ERC2: variants seen among roughly 807,000 people sequenced by gnomAD.
ERC2 encodes ELKS/RAB6-interacting/CAST family member 2.
A neutral mutation model predicts 114.8 loss-of-function variants in ERC2; 42 were observed. The ratio of observed to expected loss-of-function variants is 0.37; its 90% confidence interval spans 0.29 to 0.47. The LOEUF is 0.47. Ranked by LOEUF, ERC2 falls within the 20% of genes least tolerant of loss-of-function variation. ERC2 has a pLI of 0.99. For synonymous variants in ERC2, 454 were observed against 425.5 expected, an observed-to-expected ratio of 1.07 and a Z score of -0.82; for missense variants, 939 against 1,150.7, an observed-to-expected ratio of 0.82 and a Z score of 2.66.
chr3:55,802,356 T>A (rs936091155), intron 14 of ERC2, among the ~76,000 whole-genome samples: 2 of 152,332 alleles, frequency 1.3e-5, no homozygotes, highest in African/African-American at 2.4e-5. Flanking sequence ...AGAATAGTTA[T>A]CTTGAGTATA....
intron 14 of ERC2, among the ~76,000 whole-genome samples, chr3:55,780,743 C>T (rs2068974956): frequency 1.3e-5 from 2 of 152,160 alleles, no homozygotes; most frequent in East Asian, 3.9e-4. Flanking sequence ...TACGGATGTG[C>T]CTTTTGCCCA....
chr3:55,899,328 C>T (rs1354852040), intron 13 of ERC2, among the ~76,000 whole-genome samples: 1 of 152,090 alleles, frequency 6.6e-6, no homozygotes, highest in Non-Finnish European at 1.5e-5. Context: ...GACGAATTTA[C>T]TCTAAGGATA....
chr3:56,116,846 T>G (rs1202084681), intron 6 of ERC2, among the ~76,000 whole-genome samples: 1 of 152,258 alleles, frequency 6.6e-6, no homozygotes, highest in Non-Finnish European at 1.5e-5. Context: ...TGGCTCTTCC[T>G]GGGGGACCAT....
At chr3:56,103,738 G>T (rs1325905012) in intron 6 of ERC2, among the ~76,000 whole-genome samples, 1 of 142,112 alleles carries the variant, frequency 7.0e-6, no homozygotes, top group Non-Finnish European at 1.5e-5. Flanking sequence ...AAAAAAACTA[G>T]AAGTGTATCT....
intron 15 of ERC2, among the ~76,000 whole-genome samples, chr3:55,728,236 C>T (rs1220446093): frequency 6.6e-6 from 1 of 152,116 alleles, no homozygotes; most frequent in African/African-American, 2.4e-5. Context: ...CTCATGTTAC[C>T]ATATTCTCAG....
At chr3:55,878,989 C>A (rs913602566) in intron 14 of ERC2, among the ~76,000 whole-genome samples, 2 of 152,012 alleles carry the variant, frequency 1.3e-5, no homozygotes, top group African/African-American at 4.8e-5. Context: ...AAAATAAATG[C>A]CTAAAAATTC....
chr3:56,030,405 A>T (rs1463638292), intron 7 of ERC2, among the ~76,000 whole-genome samples: 6 of 152,108 alleles, frequency 3.9e-5, no homozygotes, highest in South Asian at 4.1e-4. Flanking sequence ...TCAATTGCTG[A>T]TAGTGGTATG....
chr3:55,590,464 G>T (rs1265239943), intron 17 of ERC2, among the ~76,000 whole-genome samples: 1 of 152,184 alleles, frequency 6.6e-6, no homozygotes, highest in East Asian at 1.9e-4. Context: ...GTTCACTGCA[G>T]CCTTCTTAAA....
intron 3 of ERC2, among the ~76,000 whole-genome samples, chr3:56,245,812 A>AT (rs1205094777): frequency 1.3e-5 from 2 of 152,042 alleles, no homozygotes; most frequent in Non-Finnish European, 2.9e-5. Flanking sequence ...AAGTGCTGGG[A>AT]TTACAGGTGT....
chr3:56,209,920 CCT>C lies in ERC2; in HGVS notation c.1075-36402_1075-36401del, dbSNP rs1376099084. ...GTGGAGTTGAGAGAACCACATTTCCCCTCTTACTTCGCCCTTGACAACATACT... is the reference window on the plus strand; with the variant it reads ...GTGGAGTTGAGAGAACCACATTTCCCCTTACTTCGCCCTTGACAACATACT... On this transcript the variant is annotated intron_variant, in intron 3 of 17. Coordinates refer to ENST00000288221, the MANE Select transcript of ERC2 (RefSeq NM_015576.3). 3.3e-5 allele frequency among the ~76,000 whole-genome samples: 5 copies of C among 152,228 alleles called. No individual in the cohort carries two copies. The East Asian group carries it at 9.7e-4, about 29-fold the overall frequency.
At chr3:55,652,637 G>A (rs1305849073) in intron 17 of ERC2, among the ~76,000 whole-genome samples, 1 of 152,136 alleles carries the variant, frequency 6.6e-6, no homozygotes, top group African/African-American at 2.4e-5. Flanking sequence ...ACTTTGGGAG[G>A]CCGAGGCAGG....
At chr3:56,035,287 A>C (rs1430404906) in intron 7 of ERC2, among the ~76,000 whole-genome samples, 2 of 152,300 alleles carry the variant, frequency 1.3e-5, no homozygotes, top group Admixed American at 6.5e-5. Flanking sequence ...AGAAATAGAA[A>C]ATCTAAACAG....
At position 55,758,945 on chromosome 3, in the gene ERC2, G is replaced by A. The variant is rs551396993; in HGVS notation, c.2565-24027C>T. Among the ~76,000 whole-genome samples the A allele has an allele frequency of 2.6e-5, 4 of 152,292 alleles. No individual in the cohort carries two copies. The East Asian group carries it at 7.7e-4, about 29-fold the overall frequency. ...TGGATTGCTAAGGTGAGGGTTAACC[G>A]CTAAATTCCACCAGATAAGGTGGTT... On this transcript the variant is annotated intron_variant, in intron 14 of 17. Coordinates refer to ENST00000288221, the MANE Select transcript of ERC2 (RefSeq NM_015576.3).
At chr3:56,385,212 G>A (rs2059892627) in intron 2 of ERC2, among the ~76,000 whole-genome samples, 1 of 151,962 alleles carries the variant, frequency 6.6e-6, no homozygotes, top group Non-Finnish European at 1.5e-5. Context: ...AGATCAAGGT[G>A]CCAGCAGATT....
At chr3:55,968,527 C>A (rs2068918558) in intron 12 of ERC2, among the ~76,000 whole-genome samples, 1 of 152,146 alleles carries the variant, frequency 6.6e-6, no homozygotes, top group Non-Finnish European at 1.5e-5. Flanking sequence ...CAGACCTGTG[C>A]AGTTTGCTGA....
intron 6 of ERC2, among the ~76,000 whole-genome samples, chr3:56,097,429 T>C (rs891142747): frequency 5.3e-5 from 8 of 152,278 alleles, no homozygotes; most frequent in Middle Eastern, 3.4e-3. Context: ...ACAGCACTTA[T>C]AGCAGTGAAC....
At chr3:56,271,669 A>C (rs574432052) in intron 3 of ERC2, among the ~76,000 whole-genome samples, 100 of 152,152 alleles carry the variant, frequency 6.6e-4, no homozygotes, top group Non-Finnish European at 1.2e-3. Flanking sequence ...AGGAAATTGC[A>C]TGTTGCAGGG....
intron 14 of ERC2, among the ~76,000 whole-genome samples, chr3:55,801,055 C>T (rs2071009043): frequency 6.6e-6 from 1 of 152,214 alleles, no homozygotes; most frequent in Non-Finnish European, 1.5e-5. Context: ...CAACCCATAA[C>T]ATTCCCCTAT....
chr3:55,914,900 G>A (rs978641580), intron 13 of ERC2, among the ~76,000 whole-genome samples: 14 of 152,062 alleles, frequency 9.2e-5, no homozygotes, highest in Admixed American at 5.2e-4. Flanking sequence ...TCCTCTATTT[G>A]GGAACATAGG....
Sources: allele counts gnomAD v4.1 joint callset (sites outside exome capture counted in the v4.1 genomes callset), GRCh38; gene constraint gnomAD v4.1.1; transcripts MANE v1.5; gene names NCBI Gene and HGNC (gene_info 2026-07-23, HGNC 2026-07-21).